Variants in GRHL2 observed in about 807,000 individuals in gnomAD.
The protein encoded by GRHL2 is grainyhead-like protein 2 homolog.
A neutral mutation model predicts 83.8 loss-of-function variants in GRHL2; 21 were observed. The observed-to-expected ratio is 0.25, with a 90% CI of 0.18 to 0.36. GRHL2 has a LOEUF of 0.36. Among genes scored for constraint, GRHL2 ranks in the 10% least tolerant of loss-of-function variants. The probability of loss-of-function intolerance (pLI) is 1.00; values close to 1 mark genes in which losing one functional copy is unlikely to be tolerated. For missense variants in GRHL2, 623 were observed against 781.8 expected, an observed-to-expected ratio of 0.80 and a Z score of 2.42; for synonymous variants, 280 against 278.9, an observed-to-expected ratio of 1.00 and a Z score of -0.04.
chr8:101,585,666 T>G (rs1185475063), intron 7 of GRHL2, among the ~76,000 whole-genome samples: 1 of 152,238 alleles, frequency 6.6e-6, no homozygotes, highest in Non-Finnish European at 1.5e-5. Context: ...GCTGCAGTTA[T>G]GGAAAACTCC....
In GRHL2 at chr8:101,578,412, G is replaced by A. The variant is rs539577937; in HGVS notation, c.1003+893G>A. ...CTCTCTGCCTCGTGATCTCCTGCCA[G>A]TGCCTCCCATCGGCAGAATTTAACT... On this transcript the variant is annotated intron_variant, in intron 7 of 15. Transcript: ENST00000646743. Among the ~76,000 whole-genome samples, 583 of 152,304 alleles carry A rather than the reference G, an allele frequency of 3.8e-3. 2 individuals carry two copies. Among genetic ancestry groups the A allele is most frequent in the African/African-American group, 0.013 (547 of 41,562 alleles).
chr8:101,608,774 CA>C (rs1563605586), intron 8 of GRHL2, among the ~76,000 whole-genome samples: 18 of 145,788 alleles, frequency 1.2e-4, no homozygotes, highest in African/African-American at 2.4e-4. Flanking sequence ...CACACACACA[CA>C]CACCTACACC....
intron 7 of GRHL2, among the ~76,000 whole-genome samples, chr8:101,594,923 T>C (rs980028459): frequency 2.0e-5 from 3 of 152,336 alleles, no homozygotes; most frequent in East Asian, 3.9e-4. Context: ...ATAAAATACT[T>C]GTACATGCCA....
rs58383029 is a variant in GRHL2, at chr8:101,563,709, A to AT, written c.678+4907dup. 4.3e-3 allele frequency among the ~76,000 whole-genome samples: 637 copies of AT among 147,176 alleles called. 2 individuals are homozygous for AT. Among genetic ancestry groups the AT allele is most frequent in the African/African-American group, 0.01 (406 of 39,526 alleles). ...ATTGCTTAAAATAGTTAGCAAACTTATTTTTTTTTTGTTTTTTTTTGTTTT... is the reference window on the plus strand; with the variant it reads ...ATTGCTTAAAATAGTTAGCAAACTTATTTTTTTTTTTGTTTTTTTTTGTTTT... On this transcript the variant is annotated intron_variant, in intron 4 of 15. Coordinates refer to ENST00000646743, the MANE Select transcript of GRHL2 (RefSeq NM_024915.4).
intron 1 of GRHL2, among the ~76,000 whole-genome samples, chr8:101,496,530 A>G (rs546972652): frequency 1.3e-5 from 2 of 152,314 alleles, no homozygotes; most frequent in African/African-American, 4.8e-5. Flanking sequence ...ACTGGTGAAT[A>G]GAACTTAGTC....
At chr8:101,659,187 A>G (rs1321127797) in intron 14 of GRHL2, among the ~76,000 whole-genome samples, 1 of 152,218 alleles carries the variant, frequency 6.6e-6, no homozygotes, top group Non-Finnish European at 1.5e-5. Flanking sequence ...AGTATGATGA[A>G]TGAATGTCAT....
At chr8:101,580,275 G>A (rs1419676489) in intron 7 of GRHL2, among the ~76,000 whole-genome samples, 3 of 152,030 alleles carry the variant, frequency 2.0e-5, no homozygotes, top group Non-Finnish European at 2.9e-5. Context: ...GATATCCATC[G>A]CCTCAAACAT....
At chr8:101,627,566 C>T (rs913543935) in intron 9 of GRHL2, among the ~76,000 whole-genome samples, 3 of 152,100 alleles carry the variant, frequency 2.0e-5, no homozygotes, top group African/African-American at 7.2e-5. Flanking sequence ...AATAAACCTA[C>T]AACGGCCCCT....
At chr8:101,541,199 GTTTTC>G (rs1811148485) in intron 1 of GRHL2, among the ~76,000 whole-genome samples, 1 of 144,874 alleles carries the variant, frequency 6.9e-6, no homozygotes, top group Admixed American at 6.9e-5. Context: ...TGTACACCAT[GTTTTC>G]TTTAACCACT....
At chr8:101,590,422 A>G (rs1586124558) in intron 7 of GRHL2, among the ~76,000 whole-genome samples, 1 of 152,278 alleles carries the variant, frequency 6.6e-6, no homozygotes. Context: ...CCTGAGTTTG[A>G]GCCGATCCTA....
chr8:101,515,359 A>T (rs1439411484), intron 1 of GRHL2, among the ~76,000 whole-genome samples: 1 of 152,144 alleles, frequency 6.6e-6, no homozygotes, highest in Non-Finnish European at 1.5e-5. Flanking sequence ...CTTTCTTCCC[A>T]GAGTCCTGTC....
At chr8:101,601,042 C>T (rs1812498959) in intron 8 of GRHL2, among the ~76,000 whole-genome samples, 1 of 151,998 alleles carries the variant, frequency 6.6e-6, no homozygotes, top group Admixed American at 6.6e-5. Context: ...CATCTGAAGT[C>T]CTAGCTACTC....
intron 8 of GRHL2, among the ~76,000 whole-genome samples, chr8:101,616,713 G>A (rs965508559): frequency 3.3e-5 from 5 of 152,136 alleles, no homozygotes; most frequent in Non-Finnish European, 7.4e-5. Flanking sequence ...ACCACCCTGT[G>A]TTGGTCACTG....
Position 101,627,655 on chromosome 8 carries a change from G to A in GRHL2, c.1258-3982G>A, listed in dbSNP as rs150534448. Among the ~76,000 whole-genome samples, 1,395 of 152,188 alleles carry A rather than the reference G, an allele frequency of 9.2e-3. 8 individuals are homozygous for A. The highest frequency in any genetic ancestry group is 0.014 in the Non-Finnish European group (930 of 67,970). Reference sequence around the variant, plus strand: ...GAAATAATTAAGCTTAGGGAGGAAGGCATATCAAAAGCTGACACAGGCCAA... The same window carrying A: ...GAAATAATTAAGCTTAGGGAGGAAGACATATCAAAAGCTGACACAGGCCAA... On this transcript the variant is annotated intron_variant, in intron 9 of 15. Coordinates refer to ENST00000646743, the MANE Select transcript of GRHL2 (RefSeq NM_024915.4).
chr8:101,563,873 GT>G (rs1811659581), intron 4 of GRHL2, among the ~76,000 whole-genome samples: 1 of 152,082 alleles, frequency 6.6e-6, no homozygotes, highest in South Asian at 2.1e-4. Flanking sequence ...TGAGGTACAT[GT>G]TTTTTCACCA....
At chr8:101,630,158 C>T (rs2130394422) in intron 9 of GRHL2, among the ~76,000 whole-genome samples, 1 of 152,202 alleles carries the variant, frequency 6.6e-6, no homozygotes, top group South Asian at 2.1e-4. Context: ...ACTCATTCTC[C>T]AAAAATTAGT....
chr8:101,555,342 C>T (rs942047528), intron 3 of GRHL2, among the ~76,000 whole-genome samples: 16 of 151,900 alleles, frequency 1.1e-4, no homozygotes, highest in Admixed American at 5.9e-4. Flanking sequence ...GACACGAGTT[C>T]GGGAAATCCT....
At chr8:101,664,377 G>A (rs989670280) in intron 14 of GRHL2, 77 bp from the exon 15 acceptor site, 3 of 1,043,076 alleles carry the variant, frequency 2.9e-6, no homozygotes, top group African/African-American at 3.1e-5. Context: ...CCAAGGGAGT[G>A]AAACTGGAAC....
chr8:101,587,697 A>G (rs1812195696), intron 7 of GRHL2, among the ~76,000 whole-genome samples: 1 of 152,274 alleles, frequency 6.6e-6, no homozygotes, highest in East Asian at 1.9e-4. Flanking sequence ...AGGCACTCTC[A>G]TAGTATTATA....
Sources: allele counts gnomAD v4.1 joint callset (sites outside exome capture counted in the v4.1 genomes callset), GRCh38; gene constraint gnomAD v4.1.1; transcripts MANE v1.5; gene names NCBI Gene and HGNC (gene_info 2026-07-23, HGNC 2026-07-21).